CUL3: variants seen among roughly 807,000 people sequenced by gnomAD.
The protein encoded by CUL3 is cullin-3.
CUL3 carries 19 observed loss-of-function variants against 89.1 expected under a neutral mutation model. The observed-to-expected ratio is 0.21, with a 90% CI of 0.15 to 0.31. The LOEUF (loss-of-function observed/expected upper bound fraction) is 0.31. CUL3 is among the 10% of genes least tolerant of loss of function. The probability of loss-of-function intolerance (pLI) is 1.00; values close to 1 mark genes in which losing one functional copy is unlikely to be tolerated. For synonymous variants in CUL3, 351 were observed against 308.4 expected, an observed-to-expected ratio of 1.14 and a Z score of -1.45; for missense variants, 469 against 942.3, an observed-to-expected ratio of 0.50 and a Z score of 6.58.
At chr2:224,570,316 GA>G (rs1483512920) in intron 1 of CUL3, among the ~76,000 whole-genome samples, 2 of 152,162 alleles carry the variant, frequency 1.3e-5, no homozygotes, top group Non-Finnish European at 2.9e-5. Flanking sequence ...CAAGCTTTGA[GA>G]AAAACAGCCC....
intron 2 of CUL3, among the ~76,000 whole-genome samples, chr2:224,539,529 T>C (rs1694016609): frequency 6.6e-6 from 1 of 152,220 alleles, no homozygotes; most frequent in African/African-American, 2.4e-5. Flanking sequence ...TCATTCATAA[T>C]TGCCACAACT....
intron 2 of CUL3, among the ~76,000 whole-genome samples, chr2:224,545,215 C>A (rs927233372): frequency 1.3e-5 from 2 of 151,974 alleles, no homozygotes; most frequent in Non-Finnish European, 2.9e-5. Context: ...TGATGAGATT[C>A]CTGAATAATA....
chr2:224,569,498 C>T (rs1340842347), intron 1 of CUL3, among the ~76,000 whole-genome samples: 1 of 152,110 alleles, frequency 6.6e-6, no homozygotes, highest in Non-Finnish European at 1.5e-5. Context: ...GTGATCTTTG[C>T]CTCCTTACCT....
chr2:224,521,050 A>G (rs1229696223), intron 3 of CUL3, among the ~76,000 whole-genome samples: 1 of 152,196 alleles, frequency 6.6e-6, no homozygotes, highest in South Asian at 2.1e-4. Context: ...AGTTAAAATA[A>G]AAACAAATGT....
intron 3 of CUL3, among the ~76,000 whole-genome samples, chr2:224,526,585 CAAAAAAAAAAAAAAA>C (rs1166152595): frequency 3.8e-5 from 1 of 26,166 alleles, no homozygotes; most frequent in Non-Finnish European, 1.1e-4. Flanking sequence ...GACTCCGTCT[CAAAAAAAAAAAAAAA>C]AAAAAAAAAA....
chr2:224,516,931 C>A (rs1375015661), intron 3 of CUL3, among the ~76,000 whole-genome samples: 1 of 152,164 alleles, frequency 6.6e-6, no homozygotes, highest in African/African-American at 2.4e-5. Flanking sequence ...AGGTGTGAGC[C>A]ACCGCCTGTA....
At chr2:224,539,929 C>T (rs891000108) in intron 2 of CUL3, among the ~76,000 whole-genome samples, 6 of 151,940 alleles carry the variant, frequency 3.9e-5, no homozygotes, top group Admixed American at 6.5e-5. Flanking sequence ...GGAGTGATGA[C>T]GTGTCAATGT....
chr2:224,478,106 T>C, intron 15 of CUL3, 94 bp downstream of exon 15: 1 of 1,300,562 alleles, frequency 7.7e-7, no homozygotes, highest in Non-Finnish European at 1.0e-6. Flanking sequence ...GATTTCTTAA[T>C]TGTAAAATTG....
At chr2:224,482,803 T>C (rs1691581627) in intron 13 of CUL3, among the ~76,000 whole-genome samples, 3 of 152,212 alleles carry the variant, frequency 2.0e-5, no homozygotes, top group South Asian at 4.1e-4. Context: ...TGTACAGTTA[T>C]ATGATTTAGT....
intron 3 of CUL3, among the ~76,000 whole-genome samples, chr2:224,519,076 T>C (rs1693169970): frequency 6.6e-6 from 1 of 152,208 alleles, no homozygotes; most frequent in South Asian, 2.1e-4. Flanking sequence ...AATCCAAAAA[T>C]CTGACATCTA....
intron 8 of CUL3, among the ~76,000 whole-genome samples, chr2:224,505,198 C>T (rs187521893): frequency 0.013 from 1,936 of 148,390 alleles, 29 homozygotes; most frequent in Middle Eastern, 0.046. Context: ...AGTGCAGTGG[C>T]GTCATCTTGG....
chr2:224,532,389 GTTCT>G (rs909391556), intron 3 of CUL3, among the ~76,000 whole-genome samples: 4 of 151,518 alleles, frequency 2.6e-5, no homozygotes, highest in Admixed American at 6.6e-5. Flanking sequence ...TACAAAGAGA[GTTCT>G]TTGTTACAGA....
chr2:224,501,493 T>C (rs73077727), intron 10 of CUL3, among the ~76,000 whole-genome samples: 2 of 152,364 alleles, frequency 1.3e-5, no homozygotes, highest in African/African-American at 4.8e-5. Flanking sequence ...ATTATTGATA[T>C]TCAGGATGTG....
intron 2 of CUL3, among the ~76,000 whole-genome samples, chr2:224,539,318 C>T (rs1187057562): frequency 2.6e-5 from 4 of 152,130 alleles, no homozygotes; most frequent in Admixed American, 6.6e-5. Flanking sequence ...CTAGCAAGGA[C>T]GCAGAGCAAA....
intron 1 of CUL3, chr2:224,569,842 C>T: frequency 2.0e-6 from 2 of 1,009,630 alleles, no homozygotes; most frequent in East Asian, 1.1e-4. Context: ...AAATTTAGAA[C>T]AGGGTGGGTG....
At chr2:224,516,690 A>G (rs910365069) in intron 3 of CUL3, among the ~76,000 whole-genome samples, 2 of 151,798 alleles carry the variant, frequency 1.3e-5, no homozygotes, top group African/African-American at 2.4e-5. Flanking sequence ...CTCTATCACC[A>G]GGCTGGAGTG....
chr2:224,584,640 G>A (rs1438661748), intron 1 of CUL3, among the ~76,000 whole-genome samples: 1 of 151,704 alleles, frequency 6.6e-6, no homozygotes, highest in Non-Finnish European at 1.5e-5. Context: ...GCAACGTGGG[G>A]AGGCGTGGGG....
chr2:224,547,996 TCA>T (rs1201993095), intron 2 of CUL3, among the ~76,000 whole-genome samples: 1 of 152,116 alleles, frequency 6.6e-6, no homozygotes, highest in Non-Finnish European at 1.5e-5. Context: ...AAAAAGTAGT[TCA>T]CACAGAGACA....
chr2:224,503,847 A>T (rs890054718), intron 8 of CUL3, 25 bp from the exon 9 acceptor site: 2 of 1,500,894 alleles, frequency 1.3e-6, no homozygotes, highest in Non-Finnish European at 1.8e-6. Context: ...TGATGTAACA[A>T]TTATACAATT....
Sources: gnomAD v4.1 joint callset for allele counts (sites outside exome capture counted in the v4.1 genomes callset) on GRCh38, gnomAD v4.1.1 for gene constraint, MANE v1.5 for transcripts, NCBI Gene and HGNC (gene_info 2026-07-23, HGNC 2026-07-21) for gene names.